The following SRRM1 variants were observed in gnomAD, a reference collection of about 807,000 sequenced individuals.
SRRM1 encodes serine/arginine repetitive matrix protein 1.
SRRM1 carries 19 observed loss-of-function variants against 110.2 expected under a neutral mutation model. The ratio of observed to expected loss-of-function variants is 0.17; its 90% CI spans 0.12 to 0.25. The LOEUF is 0.25. Among genes scored for constraint, SRRM1 ranks in the 10% least tolerant of loss-of-function variants. The pLI is 1.00. For synonymous variants in SRRM1, 443 were observed against 414.9 expected (o/e 1.07, Z -0.82); for missense variants, 918 against 1,145.8 (o/e 0.80, Z 2.87).
chr1:24,652,029 A>AAAATATATATATATATATATATAT (rs1387655792), intron 6 of SRRM1, among the ~76,000 whole-genome samples: 1 of 79,844 alleles, frequency 1.3e-5, no homozygotes, highest in African/African-American at 4.2e-5. Context: ...CTGTACTAAA[A>AAAATATATATATATATATATATAT]ATATATATAT....
At position 24,654,754 on chromosome 1, in the gene SRRM1, A is replaced by T; in HGVS notation, c.1041-101A>T. 2.1e-6 allele frequency: 3 copies of T among 1,415,776 alleles called. No individual in the cohort carries two copies. The Admixed American group carries it at 5.8e-5, about 27-fold the overall frequency. 87.7% of individuals were successfully genotyped at this position (1,415,776 alleles called of 1,614,324 possible). A position where few individuals can be genotyped will look rare whatever the true frequency, so the allele number is the denominator to read the frequency against. Reference sequence around the variant, plus strand: ...ATGTGCTTAGCTACATAAACTCAAAAGTCGGATTAAAATAGCTGTATTTTT... The same window carrying T: ...ATGTGCTTAGCTACATAAACTCAAATGTCGGATTAAAATAGCTGTATTTTT... On this transcript the variant is annotated intron_variant, in intron 8 of 16. Transcript: ENST00000323848.
At chr1:24,662,563 T>C (rs1324871296) in intron 11 of SRRM1, 97 bp from the exon 12 acceptor site, 2 of 1,208,068 alleles carry the variant, frequency 1.7e-6, no homozygotes, top group African/African-American at 1.5e-5. Context: ...ACATGCTTGC[T>C]TACCCTAGTG....
Position 24,643,483 on chromosome 1 carries a change from C to A in SRRM1, c.21+136C>A, listed in dbSNP as rs1246327235. 4.1e-3 allele frequency: 87 copies of A among 21,182 alleles called. 1 individual carries two copies. The highest frequency in any genetic ancestry group is 0.011 in the African/African-American group (72 of 6,298). The allele number at this position is 21,182 out of a possible 1,614,324, so 1.3% of individuals were successfully genotyped here. ...AAGGATTCCTCCTAGAGCCGGCGCA[C>A]CCCCCCCCCCCCCGTGCGCTGCGGC... On this transcript the variant is annotated intron_variant, in intron 1 of 16. Coordinates refer to ENST00000323848, the MANE Select transcript of SRRM1 (RefSeq NM_005839.4).
Position 24,666,851 on chromosome 1 carries a change from C to T in SRRM1, c.1665C>T (p.Thr555=), listed in dbSNP as rs142128570. The T allele has an allele frequency of 6.8e-6, 11 of 1,613,382 alleles. No individual in the cohort carries two copies. Among genetic ancestry groups the T allele is most frequent in the Non-Finnish European group, 8.5e-6 (10 of 1,179,826 alleles). ...GGAGAAGTCCATCCCCACCACCCAC[C>T]AGAAGGCGACGGTCTCCTTCTCCCG... is the stretch of plus-strand genomic sequence containing the variant. ...RRRRSPSPPP[T]RRRRSPSPAP... is the part of the protein sequence containing the mutation. Residue 555 remains threonine (T), a synonymous_variant, in exon 13 of 17, where the codon ACC becomes ACT. Coordinates refer to ENST00000323848, the MANE Select transcript of SRRM1 (RefSeq NM_005839.4).
At chr1:24,665,428 T>G (rs906153386) in intron 12 of SRRM1, among the ~76,000 whole-genome samples, 7 of 132,568 alleles carry the variant, frequency 5.3e-5, no homozygotes, top group African/African-American at 2.0e-4. Flanking sequence ...AAACTCCGTC[T>G]CAAAAAAAAA....
At chr1:24,662,087 G>A (rs1410020020) in intron 11 of SRRM1, among the ~76,000 whole-genome samples, 2 of 152,092 alleles carry the variant, frequency 1.3e-5, no homozygotes, top group African/African-American at 2.4e-5. Context: ...AACAGAGCAA[G>A]GCTTTGTTTC....
At chr1:24,659,579 A>T (rs189781604) in intron 9 of SRRM1, among the ~76,000 whole-genome samples, 2 of 152,250 alleles carry the variant, frequency 1.3e-5, no homozygotes, top group Non-Finnish European at 2.9e-5. Context: ...GATAGATACT[A>T]TAAGCAGAGT....
rs1466409738 is a variant in SRRM1 at position 24,655,110 on chromosome 1, A to G, written c.1296A>G (p.Pro432=). The change falls in exon 9 of 17, where the codon CCA becomes CCG. Residue 432 remains proline, a synonymous_variant. Coordinates refer to ENST00000323848, the MANE Select transcript of SRRM1 (RefSeq NM_005839.4). ...GAAAAAGTCGTGTTTCTGTGTCTCCAGGGAGAACTTCAGGTAAAGGTAAAA... is the reference window on the plus strand; with the variant it reads ...GAAAAAGTCGTGTTTCTGTGTCTCCGGGGAGAACTTCAGGTAAAGGTAAAA... The part of the protein sequence containing the change: ...RTRKSRVSVS[P]GRTSGKVTKH... The G allele has an allele frequency of 1.2e-6, 2 of 1,614,008 alleles. No individual in the cohort carries two copies. The highest frequency in any genetic ancestry group is 2.2e-5 in the East Asian group (1 of 44,890).
chr1:24,660,978 G>C, intron 10 of SRRM1, 179 bp downstream of exon 10: 1 of 541,940 alleles, frequency 1.8e-6, no homozygotes, highest in Non-Finnish European at 3.3e-6. Context: ...GAATTTAACT[G>C]TTTCTGTTTT....
Position 24,670,286 on chromosome 1 carries a change from A to G in SRRM1, c.2371A>G (p.Ser791Gly), listed in dbSNP as rs762462339. The change falls in exon 15 of 17, where the codon AGC becomes GGC. Residue 791 changes from serine to glycine, a missense_variant. Coordinates refer to ENST00000323848, the MANE Select transcript of SRRM1 (RefSeq NM_005839.4). ...AGCTGTACCGGTCAAAAAGGCCAAA[A>G]GCCCAACACCGAGCCCATCACCGCC... ...SPAVPVKKAK[S>G]PTPSPSPPRN... The G allele has an allele frequency of 3.1e-6, 5 of 1,613,254 alleles. No individual in the cohort carries two copies. The highest frequency in any genetic ancestry group is 4.2e-6 in the Non-Finnish European group (5 of 1,179,806).
At chr1:24,670,914 C>T (rs966954053) in intron 15 of SRRM1, among the ~76,000 whole-genome samples, 1 of 152,130 alleles carries the variant, frequency 6.6e-6, no homozygotes, top group African/African-American at 2.4e-5. Flanking sequence ...GAGGAAGAAC[C>T]AGTCATCCCC....
intron 10 of SRRM1, 85 bp downstream of exon 10, chr1:24,660,884 C>A: frequency 2.1e-6 from 2 of 934,668 alleles, no homozygotes; most frequent in South Asian, 3.3e-5. Flanking sequence ...CACATTTGGT[C>A]ATCCCCTTCT....
intron 11 of SRRM1, among the ~76,000 whole-genome samples, chr1:24,661,645 A>T (rs1040542951): frequency 6.6e-6 from 1 of 152,226 alleles, no homozygotes; most frequent in African/African-American, 2.4e-5. Flanking sequence ...AAAATTGGAA[A>T]CGTATCATTC....
chr1:24,664,303 C>G (rs953472003), intron 12 of SRRM1, among the ~76,000 whole-genome samples: 10 of 152,108 alleles, frequency 6.6e-5, no homozygotes, highest in African/African-American at 2.4e-4. Context: ...ACCTGCATAT[C>G]TTTATTGAAA....
Position 24,646,697 on chromosome 1 carries a change from A to T in SRRM1, c.142A>T (p.Ile48Leu), listed in dbSNP as rs1395911642. The T allele has an allele frequency of 2.5e-6, 4 of 1,605,958 alleles. No individual in the cohort carries two copies. The highest frequency in any genetic ancestry group is 3.4e-6 in the Non-Finnish European group (4 of 1,177,506). Residue 48 changes from isoleucine to leucine, a missense_variant, in exon 3 of 17, where the codon ATA (isoleucine) becomes TTA (leucine). Transcript: ENST00000323848. ...VDMSKVNLEV[I>L]KPWITKRVTE... ...CATGAGCAAAGTAAATTTGGAGGTT[A>T]TAAAGCCTTGGATAACAAAAAGAGT...
rs1156439889 is a variant in SRRM1, at chr1:24,660,888, C to T, written c.1396+89C>T. The T allele has an allele frequency of 6.7e-6, 6 of 897,660 alleles. No homozygotes were observed. The African/African-American group carries it at 1.0e-4, about 15-fold the overall frequency. 55.6% of individuals were successfully genotyped at this position (897,660 alleles called of 1,614,324 possible). ...TTGATTTTTTGCACATTTGGTCATC[C>T]CCTTCTGCTTGAAGATTAAGTATAG... is the stretch of plus-strand genomic sequence containing the variant. On this transcript the variant is annotated intron_variant, in intron 10 of 16. Coordinates refer to ENST00000323848, the MANE Select transcript of SRRM1 (RefSeq NM_005839.4).
chr1:24,661,937 T>C (rs1462186323), intron 11 of SRRM1, among the ~76,000 whole-genome samples: 1 of 151,800 alleles, frequency 6.6e-6, no homozygotes, highest in East Asian at 1.9e-4. Flanking sequence ...AATACAAAAA[T>C]TAACCGGGCA....
chr1:24,672,372 C>G lies in SRRM1; in HGVS notation c.*86C>G, dbSNP rs1375080236. On this transcript the variant is annotated 3_prime_UTR_variant, in exon 17 of 17. Coordinates refer to ENST00000323848, the MANE Select transcript of SRRM1 (RefSeq NM_005839.4). ...TGCTAAAATGTGTTTGAGCTTTAGACTATAACATTTGTTGTAATAATTGCT... is the reference window on the plus strand; with the variant it reads ...TGCTAAAATGTGTTTGAGCTTTAGAGTATAACATTTGTTGTAATAATTGCT... 1.4e-5 allele frequency: 13 copies of G among 899,638 alleles called. No homozygotes were observed. Among genetic ancestry groups the G allele is most frequent in the Non-Finnish European group, 2.0e-5 (12 of 591,146 alleles). The allele number at this position is 899,638 out of a possible 1,614,324, so 55.7% of individuals were successfully genotyped here.
rs1441906007 is a variant in SRRM1 at position 24,652,929 on chromosome 1, A to G, written c.937A>G (p.Arg313Gly). 3 of 1,613,848 alleles carry G rather than the reference A, an allele frequency of 1.9e-6. No individual in the cohort carries two copies. Among genetic ancestry groups the G allele is most frequent in the Non-Finnish European group, 2.5e-6 (3 of 1,179,924 alleles). The part of the protein sequence containing the change: ...RSRSRSYSPR[R>G]RPSPRRRPSP... ...TTATGGCAGATCGTATTCACCTAGA[A>G]GGCGGCCAAGCCCAAGAAGGCGGCC... The change falls in exon 8 of 17, where the codon AGG (arginine) becomes GGG (glycine). Residue 313 changes from arginine (R) to glycine (G), a missense_variant. Around this residue, in one of 5 missense-constraint regions of SRRM1, gnomAD observed 456 missense variants for 453.5 expected, o/e 1.01. Transcript: ENST00000323848.
Sources: allele counts gnomAD v4.1 joint callset (sites outside exome capture counted in the v4.1 genomes callset), GRCh38; gene constraint gnomAD v4.1.1; regional missense constraint gnomAD v4.1.1; transcripts MANE v1.5; gene names NCBI Gene and HGNC (gene_info 2026-07-23, HGNC 2026-07-21).